ATRX: variants seen among roughly 807,000 people sequenced by gnomAD.
ATRX encodes the protein chromatin remodeler ATRX.
Under a neutral mutation model 172.6 loss-of-function variants are expected in ATRX, and 12 were observed. That is an observed-to-expected ratio of 0.07 (90% CI 0.04 to 0.11). The LOEUF (loss-of-function observed/expected upper bound fraction) is 0.11. ATRX is among the 10% of genes least tolerant of loss of function. ATRX has a pLI of 1.00. For synonymous variants in ATRX, 674 were observed against 594.7 expected, an observed-to-expected ratio of 1.13 and a Z score of -1.94; for missense variants, 1,368 against 1,767.4, an observed-to-expected ratio of 0.77 and a Z score of 4.05.
chrX:77,762,262 G>A (rs1054986281), intron 1 of ATRX, among the ~76,000 whole-genome samples: 1 of 92,923 alleles, frequency 1.1e-5, no homozygotes, highest in Non-Finnish European at 2.0e-5. Context: ...CAGAGATCAC[G>A]CCACTGCACT....
chrX:77,546,685 C>A lies in ATRX; in HGVS notation c.6699+10766G>T, dbSNP rs190799711. ...TTTTTGTAGAGACAGAGTCTTGCCA[C>A]GTTGACCAGGCTGATCCTGAACTCC... On this transcript the variant is annotated intron_variant, in intron 30 of 34. Transcript: ENST00000373344. Among the ~76,000 whole-genome samples, 5 of 111,336 alleles carry A rather than the reference C, an allele frequency of 4.5e-5. No homozygotes were observed. The East Asian group carries it at 1.4e-3, about 32-fold the overall frequency.
At chrX:77,633,929 C>T in intron 17 of ATRX, 1 of 405,603 alleles carries the variant, frequency 2.5e-6, no homozygotes, top group Non-Finnish European at 4.3e-6. Context: ...ATTCTATGAT[C>T]AATGTGAATA....
chrX:77,667,293 A>ATGTG (rs1160312482), intron 10 of ATRX, among the ~76,000 whole-genome samples: 2 of 60,563 alleles, frequency 3.3e-5, no homozygotes, highest in Non-Finnish European at 6.2e-5. Flanking sequence ...GGACGAATAA[A>ATGTG]TATGTGTGTG....
intron 15 of ATRX, among the ~76,000 whole-genome samples, chrX:77,637,653 A>G (rs2068448158): frequency 9.0e-6 from 1 of 111,185 alleles, no homozygotes; most frequent in African/African-American, 3.3e-5. Flanking sequence ...TCATAAAAAC[A>G]TTACGCAGTT....
chrX:77,776,912 G>C (rs1346586994), intron 1 of ATRX, among the ~76,000 whole-genome samples: 2 of 110,947 alleles, frequency 1.8e-5, no homozygotes, highest in African/African-American at 6.6e-5. Flanking sequence ...CATTCATCTA[G>C]CACAATAATC....
At chrX:77,766,896 C>T (rs1302631402) in intron 1 of ATRX, among the ~76,000 whole-genome samples, 3 of 112,170 alleles carry the variant, frequency 2.7e-5, no homozygotes, top group Non-Finnish European at 3.8e-5. Flanking sequence ...TGTAGCGAGC[C>T]GAGATCACGC....
chrX:77,613,220 G>A (rs1557095083), intron 22 of ATRX, among the ~76,000 whole-genome samples: 1 of 110,328 alleles, frequency 9.1e-6, no homozygotes, highest in Non-Finnish European at 1.9e-5. Context: ...GCAATGTACA[G>A]GGTTCCACTT....
chrX:77,530,020 A>G (rs1475031788), intron 30 of ATRX, among the ~76,000 whole-genome samples: 1 of 111,759 alleles, frequency 8.9e-6, no homozygotes, highest in African/African-American at 3.3e-5. Context: ...GCCACACAAC[A>G]CATACTCTAA....
chrX:77,780,005 A>G lies in ATRX; in HGVS notation c.20+5977T>C, dbSNP rs149110798. 8.0e-5 allele frequency among the ~76,000 whole-genome samples: 9 copies of G among 112,325 alleles called. No homozygotes were observed. In the East Asian group the frequency reaches 2.2e-3, roughly 28 times the overall value. Reference sequence around the variant, plus strand: ...AACTAACATAGGTATTTTCAGACGTACATCTTCAATCATAAAAGGGCAGAA... The same window carrying G: ...AACTAACATAGGTATTTTCAGACGTGCATCTTCAATCATAAAAGGGCAGAA... On this transcript the variant is annotated intron_variant, in intron 1 of 34. Transcript: ENST00000373344.
chrX:77,644,983 A>G (rs781861803), intron 15 of ATRX, among the ~76,000 whole-genome samples: 2 of 111,604 alleles, frequency 1.8e-5, no homozygotes, highest in African/African-American at 6.5e-5. Context: ...CCAAAGACAA[A>G]GAGAATATTG....
intron 7 of ATRX, among the ~76,000 whole-genome samples, chrX:77,686,386 T>A (rs782126065): frequency 1.8e-5 from 2 of 110,732 alleles, no homozygotes; most frequent in South Asian, 7.5e-4. Context: ...AAAAAGGGAG[T>A]ATGTGTGCAT....
rs782170575 is a variant in ATRX, at chrX:77,624,509, A to G, written c.5135-3977T>C. On this transcript the variant is annotated intron_variant, in intron 19 of 34. Coordinates refer to ENST00000373344, the MANE Select transcript of ATRX (RefSeq NM_000489.6). ...CTCCACAAAGCTCCTAGAACTGATA[A>G]AAGAATTCAGCAAGGTTTCCGGATA... Among the ~76,000 whole-genome samples the G allele has an allele frequency of 5.3e-5, 6 of 112,361 alleles. No individual in the cohort carries two copies. In the East Asian group the frequency reaches 1.1e-3, roughly 21 times the overall value.
intron 1 of ATRX, among the ~76,000 whole-genome samples, chrX:77,729,746 G>A (rs914836406): frequency 1.8e-5 from 2 of 110,929 alleles, no homozygotes; most frequent in Non-Finnish European, 3.8e-5. Flanking sequence ...ACCAGCCTGG[G>A]CAACATGGTG....
intron 1 of ATRX, among the ~76,000 whole-genome samples, chrX:77,779,117 G>GT (rs2076478798): frequency 3.5e-5 from 1 of 28,182 alleles, no homozygotes. Flanking sequence ...TTTTTTTTTT[G>GT]TATTTTTAGT....
At chrX:77,716,110 A>AAT (rs2073368673) in intron 2 of ATRX, among the ~76,000 whole-genome samples, 1 of 54,391 alleles carries the variant, frequency 1.8e-5, no homozygotes, top group Non-Finnish European at 2.9e-5. Flanking sequence ...GTCTCTAAAA[A>AAT]TTTTTTTTTT....
intron 30 of ATRX, among the ~76,000 whole-genome samples, chrX:77,550,426 T>A (rs2064440399): frequency 9.0e-6 from 1 of 111,709 alleles, no homozygotes; most frequent in African/African-American, 3.3e-5. Context: ...ACCTTCATGC[T>A]AAAAACTCTC....
chrX:77,630,750 A>G, intron 19 of ATRX, among the ~76,000 whole-genome samples: 1 of 112,131 alleles, frequency 8.9e-6, no homozygotes, highest in Admixed American at 9.5e-5. Flanking sequence ...AATAGATCAT[A>G]AACATAAATA....
rs960922907 is a variant in ATRX at position 77,683,082 on chromosome X, A to G, written c.2174T>C (p.Val725Ala). The change falls in exon 9 of 35, where the codon GTG becomes GCG. Residue 725 changes from valine to alanine, a missense_variant. Around this residue, in one of 17 missense-constraint regions of ATRX, gnomAD observed 843 missense variants for 643.1 expected, o/e 1.31. Coordinates refer to ENST00000373344, the MANE Select transcript of ATRX (RefSeq NM_000489.6). ...TTCATCAGAATCTGAATTTTGATCC[A>G]CAGTCTCTGATTGCTTAGATTTTGG... is the stretch of plus-strand genomic sequence containing the variant. ...KLPKSKQSET[V>A]DQNSDSDEML... The G allele has an allele frequency of 4.1e-6, 5 of 1,208,803 alleles. No homozygotes were observed. In the African/African-American group the frequency reaches 5.3e-5, roughly 13 times the overall value.
intron 1 of ATRX, chrX:77,785,722 C>T: frequency 3.1e-6 from 2 of 635,933 alleles, no homozygotes; most frequent in East Asian, 4.7e-5. Context: ...CAAGCGTCAC[C>T]GTTTAGGGGA....
Sources: gnomAD v4.1 joint callset for allele counts (sites outside exome capture counted in the v4.1 genomes callset) on GRCh38, gnomAD v4.1.1 for gene constraint, gnomAD v4.1.1 regional missense constraint, MANE v1.5 for transcripts, NCBI Gene and HGNC (gene_info 2026-07-23, HGNC 2026-07-21) for gene names.